The following COL19A1 variants were observed in gnomAD, a reference collection of about 807,000 sequenced individuals.
COL19A1 encodes the protein collagen type XIX alpha 1 chain, also known as collagen alpha-1(XIX) chain.
COL19A1 carries 159 observed loss-of-function variants against 190.2 expected under a neutral mutation model. The observed-to-expected ratio is 0.84, with a 90% CI of 0.73 to 0.95. The LOEUF (loss-of-function observed/expected upper bound fraction) is 0.95, where lower values mean the gene tolerates loss of function less well. COL19A1 is among the 40% of genes least tolerant of loss of function. The pLI, the probability that COL19A1 is intolerant of heterozygous loss-of-function variation, is 0.00. For missense variants in COL19A1, 1,418 were observed against 1,431.9 expected, an observed-to-expected ratio of 0.99 and a Z score of 0.16; for synonymous variants, 509 against 458.9, an observed-to-expected ratio of 1.11 and a Z score of -1.39.
At chr6:70,097,722 GA>G (rs772220615) in intron 15 of COL19A1, among the ~76,000 whole-genome samples, 1 of 152,122 alleles carries the variant, frequency 6.6e-6, no homozygotes, top group Non-Finnish European at 1.5e-5. Context: ...CAACTTAATA[GA>G]GTAAATCTGT....
chr6:69,930,303 A>T (rs1045481290), intron 6 of COL19A1, among the ~76,000 whole-genome samples: 4 of 152,206 alleles, frequency 2.6e-5, no homozygotes, highest in African/African-American at 9.6e-5. Context: ...CTAACATGAT[A>T]TAGATTTATT....
At chr6:70,150,373 A>G (rs1786977437) in intron 30 of COL19A1, among the ~76,000 whole-genome samples, 1 of 152,138 alleles carries the variant, frequency 6.6e-6, no homozygotes, top group Non-Finnish European at 1.5e-5. Flanking sequence ...CTAGTGGCTA[A>G]ATGAATTTCA....
chr6:70,022,604 T>TA (rs1408090425), intron 11 of COL19A1, among the ~76,000 whole-genome samples: 1 of 152,212 alleles, frequency 6.6e-6, no homozygotes, highest in African/African-American at 2.4e-5. Flanking sequence ...CAAAATTATA[T>TA]GTCACTATGA....
chr6:70,145,804 T>TTGA (rs1786598127), intron 25 of COL19A1, among the ~76,000 whole-genome samples: 2 of 145,402 alleles, frequency 1.4e-5, no homozygotes, highest in Non-Finnish European at 3.0e-5. Flanking sequence ...CACTGCAGCC[T>TTGA]CCACCTCCGG....
intron 11 of COL19A1, among the ~76,000 whole-genome samples, chr6:70,017,734 A>G (rs939061971): frequency 6.6e-6 from 1 of 152,152 alleles, no homozygotes; most frequent in East Asian, 1.9e-4. Flanking sequence ...TGAAGGAAAT[A>G]TAGTATCACA....
chr6:70,130,932 G>C (rs545899203), intron 18 of COL19A1: 1 of 215,186 alleles, frequency 4.6e-6, no homozygotes, highest in Admixed American at 5.6e-5. Context: ...AGCTGCCCTG[G>C]CAGCCATTTT....
intron 11 of COL19A1, among the ~76,000 whole-genome samples, chr6:69,970,557 G>C (rs917506283): frequency 2.6e-5 from 4 of 152,028 alleles, no homozygotes; most frequent in Non-Finnish European, 4.4e-5. Context: ...CATGATTAAA[G>C]CTTCTTGGTG....
At chr6:70,119,885 G>C (rs928588682) in intron 16 of COL19A1, among the ~76,000 whole-genome samples, 1 of 152,208 alleles carries the variant, frequency 6.6e-6, no homozygotes, top group South Asian at 2.1e-4. Flanking sequence ...GAGGTCAGGA[G>C]TTCAAGACCA....
chr6:70,127,363 C>T (rs1257990660), intron 17 of COL19A1, among the ~76,000 whole-genome samples: 1 of 152,032 alleles, frequency 6.6e-6, no homozygotes, highest in Non-Finnish European at 1.5e-5. Flanking sequence ...GTCAGGAAAG[C>T]AAGAGTGGAT....
Position 70,123,611 on chromosome 6 carries a change from T to G in COL19A1, c.1341+1669T>G, listed in dbSNP as rs183252875. Among the ~76,000 whole-genome samples the G allele has an allele frequency of 6.6e-4, 84 of 127,574 alleles. 2 individuals are homozygous for G. In the East Asian group the frequency reaches 0.015, roughly 23 times the overall value. 83.7% of individuals were successfully genotyped at this position (127,574 alleles called of 152,430 possible). A position where few individuals can be genotyped will look rare whatever the true frequency, so the allele number is the denominator to read the frequency against. ...AAGAAAATGTGGCACATATACACCA[T>G]GGAATACTATGCAGCCATAAAAAAT... On this transcript the variant is annotated intron_variant, in intron 17 of 50. Transcript: ENST00000620364.
chr6:70,198,978 A>C (rs773316419), intron 48 of COL19A1, among the ~76,000 whole-genome samples: 1 of 152,196 alleles, frequency 6.6e-6, no homozygotes, highest in Non-Finnish European at 1.5e-5. Context: ...GGGCCTCTCC[A>C]CAGGACTTCT....
intron 6 of COL19A1, 144 bp downstream of exon 6, chr6:69,929,844 G>A (rs942730981): frequency 2.8e-6 from 2 of 714,110 alleles, no homozygotes; most frequent in African/African-American, 3.6e-5. Flanking sequence ...CGTCAGATGT[G>A]TGAAGAACAG....
rs1340605001 is a variant in COL19A1 at position 70,184,757 on chromosome 6, A to T, written c.2811+19A>T. 1 of 1,603,560 alleles carries T rather than the reference A, an allele frequency of 6.2e-7. No individual in the cohort carries two copies. The highest frequency in any genetic ancestry group is 8.5e-7 in the Non-Finnish European group (1 of 1,172,204). On this transcript the variant is annotated intron_variant, in intron 45 of 50. Coordinates refer to ENST00000620364, the MANE Select transcript of COL19A1 (RefSeq NM_001858.6). ...TGCTCAGGTATGGGAAATATGATTT[A>T]AAATAAAAGTTATAATGCATACTGC... is the stretch of plus-strand genomic sequence containing the variant.
chr6:69,876,795 T>C (rs921102749), intron 1 of COL19A1, among the ~76,000 whole-genome samples: 28 of 152,196 alleles, frequency 1.8e-4, no homozygotes, highest in Middle Eastern at 3.2e-3. Flanking sequence ...TTAATTTCTT[T>C]AACAGTTACC....
At chr6:69,958,359 G>A (rs962603789) in intron 9 of COL19A1, among the ~76,000 whole-genome samples, 1 of 152,130 alleles carries the variant, frequency 6.6e-6, no homozygotes, top group Non-Finnish European at 1.5e-5. Flanking sequence ...ATCAACTGAT[G>A]AAAATAATCT....
chr6:69,949,827 A>T (rs1173433726), intron 9 of COL19A1, among the ~76,000 whole-genome samples: 1 of 151,846 alleles, frequency 6.6e-6, no homozygotes, highest in Non-Finnish European at 1.5e-5. Flanking sequence ...GGAGTACTTA[A>T]GAGTACTGTT....
chr6:70,099,770 A>G (rs1783511030), intron 15 of COL19A1, among the ~76,000 whole-genome samples: 1 of 152,194 alleles, frequency 6.6e-6, no homozygotes, highest in Non-Finnish European at 1.5e-5. Context: ...TGTGCACACA[A>G]TATGTTCCAA....
chr6:69,971,575 G>A (rs1049452511), intron 11 of COL19A1, among the ~76,000 whole-genome samples: 7 of 152,138 alleles, frequency 4.6e-5, no homozygotes, highest in African/African-American at 1.4e-4. Context: ...TCTTGAACAA[G>A]TTAGGACCCA....
intron 31 of COL19A1, among the ~76,000 whole-genome samples, chr6:70,154,158 T>C (rs1787288095): frequency 7.2e-6 from 1 of 138,184 alleles, no homozygotes. Flanking sequence ...CCTCCCTGTG[T>C]CCATGTGTTC....
Sources: gnomAD v4.1 joint callset for allele counts (sites outside exome capture counted in the v4.1 genomes callset) on GRCh38, gnomAD v4.1.1 for gene constraint, MANE v1.5 for transcripts, NCBI Gene and HGNC (gene_info 2026-07-23, HGNC 2026-07-21) for gene names.